TRAK1: variants seen among roughly 807,000 people sequenced by gnomAD.
TRAK1 encodes the protein trafficking kinesin protein 1.
In TRAK1, 33 loss-of-function variants were observed where a neutral mutation model predicts 92.1. The ratio of observed to expected loss-of-function variants is 0.36; its 90% CI spans 0.27 to 0.48. TRAK1 has a LOEUF of 0.48. Ranked by LOEUF, TRAK1 falls within the 20% of genes least tolerant of loss-of-function variation. The pLI is 0.99. For synonymous variants in TRAK1, 521 were observed against 517.3 expected, an observed-to-expected ratio of 1.01 and a Z score of -0.10; for missense variants, 1,123 against 1,257.9, an observed-to-expected ratio of 0.89 and a Z score of 1.62.
At chr3:42,073,943 T>C (rs576553555) in intron 1 of TRAK1, among the ~76,000 whole-genome samples, 1 of 152,314 alleles carries the variant, frequency 6.6e-6, no homozygotes, top group South Asian at 2.1e-4. Flanking sequence ...GCATATTTCA[T>C]ATATGGACTT....
chr3:42,107,173 T>C (rs1221887207), intron 1 of TRAK1, among the ~76,000 whole-genome samples: 2 of 152,184 alleles, frequency 1.3e-5, no homozygotes, highest in Non-Finnish European at 2.9e-5. Context: ...AGTCTAATCA[T>C]AAACATTGGG....
chr3:42,047,392 A>G (rs1359929085), intron 1 of TRAK1, among the ~76,000 whole-genome samples: 1 of 148,922 alleles, frequency 6.7e-6, no homozygotes, highest in Non-Finnish European at 1.5e-5. Context: ...TTTTGTAGAG[A>G]TGGGGTCTTG....
chr3:42,066,587 T>C (rs749184529), intron 1 of TRAK1, among the ~76,000 whole-genome samples: 138 of 151,380 alleles, frequency 9.1e-4, no homozygotes, highest in Non-Finnish European at 1.5e-3. Context: ...GAGGAGCTAG[T>C]ATTCCTTAGC....
In TRAK1 at chr3:42,056,830, A is replaced by G. The variant is rs373841986; in HGVS notation, c.-518-30274A>G. Among the ~76,000 whole-genome samples, 35 of 152,362 alleles carry G rather than the reference A, an allele frequency of 2.3e-4. 2 individuals carry two copies. The South Asian group carries it at 7.2e-3, about 32-fold the overall frequency. On this transcript the variant is annotated intron_variant, in intron 1 of 16. Transcript: ENST00000487159. ...CCTTTTTTCTGCCCCGATTGTAATA[A>G]TAGGCTATTCTACATCCTTCTTAAT...
chr3:42,043,623 G>T (rs921366694), intron 1 of TRAK1, among the ~76,000 whole-genome samples: 6 of 152,068 alleles, frequency 3.9e-5, no homozygotes, highest in Middle Eastern at 3.4e-3. Context: ...GCTGGGGGGG[G>T]GGCGGGGGGA....
intron 14 of TRAK1, among the ~76,000 whole-genome samples, chr3:42,213,054 A>ATTTTTTTTTT (rs34073573): frequency 8.8e-6 from 1 of 113,072 alleles, no homozygotes; most frequent in Non-Finnish European, 1.7e-5. Flanking sequence ...TGGAGCTGAG[A>ATTTTTTTTTT]TTTTTTTTTT....
At chr3:42,054,853 G>A (rs1005077992) in intron 1 of TRAK1, among the ~76,000 whole-genome samples, 4 of 140,796 alleles carry the variant, frequency 2.8e-5, no homozygotes, top group African/African-American at 1.1e-4. Flanking sequence ...TATGCCCAAA[G>A]CTGTAGACTT....
At chr3:42,222,274 C>G (rs572534523) in intron 15 of TRAK1, among the ~76,000 whole-genome samples, 7 of 152,242 alleles carry the variant, frequency 4.6e-5, no homozygotes, top group African/African-American at 1.7e-4. Context: ...CCCCGCGACC[C>G]TCTAACTCCA....
At chr3:42,156,335 A>G (rs1383798227) in intron 2 of TRAK1, among the ~76,000 whole-genome samples, 2 of 152,208 alleles carry the variant, frequency 1.3e-5, no homozygotes, top group Non-Finnish European at 2.9e-5. Context: ...AGGGGAGGAA[A>G]GAAGAGATTG....
intron 1 of TRAK1, among the ~76,000 whole-genome samples, chr3:42,092,266 G>A (rs902588969): frequency 1.3e-5 from 2 of 152,052 alleles, no homozygotes; most frequent in South Asian, 2.1e-4. Flanking sequence ...GACCCATCTG[G>A]TTTCTGTCCT....
At chr3:42,149,471 G>A (rs1452913655) in intron 2 of TRAK1, 5 of 1,535,100 alleles carry the variant, frequency 3.3e-6, no homozygotes, top group Admixed American at 2.0e-5. Context: ...GGGAGGCATG[G>A]CAGCGTTTTA....
At chr3:42,056,096 T>C (rs1450125211) in intron 1 of TRAK1, among the ~76,000 whole-genome samples, 1 of 152,260 alleles carries the variant, frequency 6.6e-6, no homozygotes, top group African/African-American at 2.4e-5. Context: ...GGTAAACTTT[T>C]GGATTATTTC....
At chr3:42,101,414 A>G (rs758738135) in intron 1 of TRAK1, among the ~76,000 whole-genome samples, 1 of 152,248 alleles carries the variant, frequency 6.6e-6, no homozygotes, top group East Asian at 1.9e-4. Flanking sequence ...CTTAGGTGAC[A>G]GGAGTGGCAC....
At chr3:42,222,835 A>G (rs1392166038) in intron 15 of TRAK1, 107 bp from the exon 16 acceptor site, 1 of 1,201,634 alleles carries the variant, frequency 8.3e-7, no homozygotes, top group Non-Finnish European at 1.2e-6. Context: ...GAACCCTCTC[A>G]TCGTGTCCTG....
chr3:42,061,281 ACCCACACACGCACCCCCCCATGCACACCT>A (rs1703430985), intron 1 of TRAK1, among the ~76,000 whole-genome samples: 1 of 144,432 alleles, frequency 6.9e-6, no homozygotes, highest in Non-Finnish European at 1.5e-5. Flanking sequence ...GCACACACCC[ACCCACACACGCACCCCCCCATGCACACCT>A]CCCCCACGCA....
At chr3:42,222,319 G>A (rs1710439328) in intron 15 of TRAK1, among the ~76,000 whole-genome samples, 1 of 152,190 alleles carries the variant, frequency 6.6e-6, no homozygotes, top group Non-Finnish European at 1.5e-5. Flanking sequence ...GATATAAAGA[G>A]GGTTAAGGGC....
intron 4 of TRAK1, 34 bp downstream of exon 4, chr3:42,184,835 C>A: frequency 6.3e-7 from 1 of 1,591,046 alleles, no homozygotes. Flanking sequence ...TCCAGAGGGG[C>A]CCGCCACAGG....
At chr3:42,171,160 G>A (rs1009864410) in intron 2 of TRAK1, among the ~76,000 whole-genome samples, 1 of 152,094 alleles carries the variant, frequency 6.6e-6, no homozygotes, top group African/African-American at 2.4e-5. Context: ...TGAGTTATAA[G>A]TGTCTTCTTG....
chr3:42,176,839 G>C lies in TRAK1; in HGVS notation c.312G>C (p.Gln104His). 6.2e-7 allele frequency: 1 copy of C among 1,614,140 alleles called. No individual in the cohort carries two copies. Among genetic ancestry groups the C allele is most frequent in the South Asian group, 1.1e-5 (1 of 91,058 alleles). ...TTTTATGTGCTGAAAGAGTTGGCCA[G>C]ATGACTAAGACATATAATGACATAG... ...YFLLCAERVGQMTKTYNDIDA... is the reference protein window; with the variant it reads ...YFLLCAERVGHMTKTYNDIDA... Residue 104 changes from glutamine to histidine, a missense_variant, in exon 3 of 16, where the codon CAG becomes CAC. Gln to His is a conservative substitution (Grantham distance 24). This residue lies in a region of TRAK1 where 686 missense variants were observed against 747.6 expected (regional missense o/e 0.92). Transcript: ENST00000327628.
Sources: gnomAD v4.1 joint callset for allele counts (sites outside exome capture counted in the v4.1 genomes callset) on GRCh38, gnomAD v4.1.1 for gene constraint, gnomAD v4.1.1 regional missense constraint, MANE v1.5 for transcripts, NCBI Gene and HGNC (gene_info 2026-07-23, HGNC 2026-07-21) for gene names.